The following NOL4L variants were observed in gnomAD, a reference collection of about 807,000 sequenced individuals.
NOL4L encodes nucleolar protein 4-like.
NOL4L carries 7 observed loss-of-function variants against 64.5 expected under a neutral mutation model. The observed-to-expected ratio is 0.11, with a 90% CI of 0.06 to 0.20. The LOEUF (loss-of-function observed/expected upper bound fraction) is 0.20. Among genes scored for constraint, NOL4L ranks in the 10% least tolerant of loss-of-function variants. The probability of loss-of-function intolerance (pLI) is 1.00; values close to 1 mark genes in which losing one functional copy is unlikely to be tolerated. For missense variants in NOL4L, 680 were observed against 967.1 expected, an observed-to-expected ratio of 0.70 and a Z score of 3.94; for synonymous variants, 413 against 401.0, an observed-to-expected ratio of 1.03 and a Z score of -0.36.
intron 1 of NOL4L, among the ~76,000 whole-genome samples, chr20:32,531,928 T>G (rs1371518779): frequency 6.6e-6 from 1 of 152,186 alleles, no homozygotes; most frequent in Admixed American, 6.5e-5. Context: ...CACAGTCTTA[T>G]TTAATTCCTA....
intron 1 of NOL4L, among the ~76,000 whole-genome samples, chr20:32,581,444 G>A (rs909204570): frequency 1.3e-5 from 2 of 152,204 alleles, no homozygotes; most frequent in African/African-American, 2.4e-5. Context: ...GAGGCTGGCC[G>A]GGACTAGGAG....
chr20:32,553,623 C>G (rs1222602611), intron 1 of NOL4L, among the ~76,000 whole-genome samples: 5 of 152,198 alleles, frequency 3.3e-5, no homozygotes, highest in African/African-American at 4.8e-5. Flanking sequence ...CTCCCCACCC[C>G]CAAACATACA....
rs776678981 is a variant in NOL4L, at chr20:32,452,405, C to T, written c.1653G>A (p.Ser551=). 2.4e-5 allele frequency: 38 copies of T among 1,608,908 alleles called. No individual in the cohort carries two copies. The highest frequency in any genetic ancestry group is 5.0e-5 in the Admixed American group (3 of 59,580). ...AGTGGGTGATGGCTGCGGAGTCCCG[C>T]GAGTGCTGCTTGTCCAGGGCTATGG... ...DEPIALDKQH[S]RDSAAITHST... The change falls in exon 10 of 11, where the codon TCG becomes TCA. Residue 551 remains serine, a synonymous_variant. Transcript: ENST00000621426.
Position 32,527,919 on chromosome 20 carries a change from A to G in NOL4L, c.322-6T>C, listed in dbSNP as rs1162746196. ...TCCGACAGGCCATCTGCCCCCTGCG[A>G]CAGGGTGGACAAGCTGTGTTAGTGT... On this transcript the variant is annotated splice_polypyrimidine_tract_variant and splice_region_variant and intron_variant, in intron 1 of 10. Transcript: ENST00000621426. 2.6e-6 allele frequency: 4 copies of G among 1,549,688 alleles called. No homozygotes were observed. The highest frequency in any genetic ancestry group is 3.5e-6 in the Non-Finnish European group (4 of 1,146,502).
rs1224129403 is a variant in NOL4L at position 32,477,136 on chromosome 20, T to TA, written c.700-2395_700-2394insT. 4.6e-5 allele frequency among the ~76,000 whole-genome samples: 7 copies of TA among 152,322 alleles called. No individual in the cohort carries two copies. The East Asian group carries it at 1.2e-3, about 25-fold the overall frequency. ...TGAACTCCACTCAATACGCACACTC[T>TA]GGCCTCTCTCAGCCAAGTTCAAACC... On this transcript the variant is annotated intron_variant, in intron 4 of 10. Coordinates refer to ENST00000621426, the MANE Select transcript of NOL4L (RefSeq NM_001256798.2).
chr20:32,550,708 C>T (rs902004477), intron 1 of NOL4L, among the ~76,000 whole-genome samples: 5 of 152,072 alleles, frequency 3.3e-5, no homozygotes, highest in African/African-American at 7.2e-5. Context: ...GGTGAAACCC[C>T]GTCTCTACTA....
chr20:32,483,234 A>G, intron 4 of NOL4L: 1 of 398,146 alleles, frequency 2.5e-6, no homozygotes, highest in Non-Finnish European at 3.2e-6. Flanking sequence ...CCCCCTCCCC[A>G]GAACCGCCCC....
At position 32,525,046 on chromosome 20, in the gene NOL4L, T is replaced by C. The variant is rs116070266; in HGVS notation, c.477+2712A>G. ...TGCAGCTCAGCTGGCTCAGTGCCAG[T>C]CATGTGCCAGCTCCAGGCTGGGCAG... On this transcript the variant is annotated intron_variant, in intron 2 of 10. Coordinates refer to ENST00000621426, the MANE Select transcript of NOL4L (RefSeq NM_001256798.2). Among the ~76,000 whole-genome samples, 1,145 of 152,280 alleles carry C rather than the reference T, an allele frequency of 7.5e-3. 15 individuals carry two copies. The highest frequency in any genetic ancestry group is 0.026 in the African/African-American group (1,088 of 41,560).
At chr20:32,490,125 T>C (rs1195220982) in intron 4 of NOL4L, among the ~76,000 whole-genome samples, 3 of 21,708 alleles carry the variant, frequency 1.4e-4, no homozygotes, top group African/African-American at 3.5e-4. Context: ...AGAGACTCCA[T>C]CTCAAAAAAA....
At chr20:32,489,044 T>C (rs767146179) in intron 4 of NOL4L, among the ~76,000 whole-genome samples, 4 of 144,322 alleles carry the variant, frequency 2.8e-5, no homozygotes, top group Non-Finnish European at 4.5e-5. Flanking sequence ...TGCAAATATG[T>C]TTTCCTTTTG....
intron 1 of NOL4L, among the ~76,000 whole-genome samples, chr20:32,550,357 C>T (rs1479005483): frequency 3.3e-5 from 5 of 152,222 alleles, no homozygotes; most frequent in Non-Finnish European, 5.9e-5. Context: ...AGCGATTCTC[C>T]GGCCTCGGCC....
At chr20:32,554,620 CACCCTCTCCTGGGAA>C (rs1006835767) in intron 1 of NOL4L, among the ~76,000 whole-genome samples, 5 of 152,132 alleles carry the variant, frequency 3.3e-5, no homozygotes, top group African/African-American at 1.2e-4. Context: ...CAGAAGCAGG[CACCCTCTCCTGGGAA>C]ACCCCCCAGG....
chr20:32,554,499 C>A (rs1313727605), intron 1 of NOL4L, among the ~76,000 whole-genome samples: 2 of 152,060 alleles, frequency 1.3e-5, no homozygotes, highest in Non-Finnish European at 2.9e-5. Context: ...AGATCCATTT[C>A]TTTTGCAATA....
intron 1 of NOL4L, among the ~76,000 whole-genome samples, chr20:32,535,274 GA>G (rs34876681): frequency 0.33 from 41,173 of 123,276 alleles, 6,598 homozygotes; most frequent in East Asian, 0.77. Flanking sequence ...ACTGGAAATT[GA>G]AAAAAAAAAA....
intron 4 of NOL4L, among the ~76,000 whole-genome samples, chr20:32,478,255 ACACACACACACACACACACTCTCT>A (rs2015516867): frequency 7.9e-6 from 1 of 126,930 alleles, no homozygotes; most frequent in Non-Finnish European, 1.7e-5. Flanking sequence ...ACACACACAC[ACACACACACACACACACACTCTCT>A]CTCTCTCTCT....
At position 32,453,098 on chromosome 20, in the gene NOL4L, T is replaced by C. The variant is rs2013102463; in HGVS notation, c.1498-92A>G. The C allele has an allele frequency of 6.4e-7, 1 of 1,559,978 alleles. No homozygotes were observed. The highest frequency in any genetic ancestry group is 8.7e-7 in the Non-Finnish European group (1 of 1,149,680). Reference sequence around the variant, plus strand: ...TGCCCCAGGGGTGGGTGGCACAGGGTGGGGTTTGGGCTCCAGCGCCTCAGT... The same window carrying C: ...TGCCCCAGGGGTGGGTGGCACAGGGCGGGGTTTGGGCTCCAGCGCCTCAGT... On this transcript the variant is annotated intron_variant, in intron 8 of 10. Transcript: ENST00000621426. The surrounding 1 kb of genome is among the most constrained non-coding windows in gnomAD (Gnocchi z 5.6).
intron 2 of NOL4L, among the ~76,000 whole-genome samples, chr20:32,523,408 C>A (rs1568685015): frequency 6.6e-6 from 1 of 152,202 alleles, no homozygotes; most frequent in Non-Finnish European, 1.5e-5. Flanking sequence ...CCTCCCCCTG[C>A]AACCTTCAGC....
chr20:32,535,892 C>T (rs1191763786), intron 1 of NOL4L: 2 of 985,388 alleles, frequency 2.0e-6, no homozygotes, highest in East Asian at 1.1e-4. Context: ...TGTCCAGCAT[C>T]CCCGGACGGA....
intron 4 of NOL4L, among the ~76,000 whole-genome samples, chr20:32,495,744 C>T (rs532606738): frequency 1.3e-5 from 2 of 152,048 alleles, no homozygotes; most frequent in Admixed American, 1.3e-4. Flanking sequence ...AATGCTTAAG[C>T]CCAGGAGTTC....
Sources: gnomAD v4.1 joint callset for allele counts (sites outside exome capture counted in the v4.1 genomes callset) on GRCh38, gnomAD v4.1.1 for gene constraint, Gnocchi (gnomAD v3.1) non-coding constraint, MANE v1.5 for transcripts, NCBI Gene and HGNC (gene_info 2026-07-23, HGNC 2026-07-21) for gene names.